CD300LF: variants seen among roughly 807,000 people sequenced by gnomAD.
The protein encoded by CD300LF is CD300 molecule like family member f, also known as CMRF35-like molecule 1.
A neutral mutation model predicts 32.2 loss-of-function variants in CD300LF; 27 were observed. The ratio of observed to expected loss-of-function variants is 0.84; its 90% confidence interval spans 0.62 to 1.15. CD300LF has a LOEUF of 1.15. Ranked by LOEUF, CD300LF falls within the 50% of genes most tolerant of loss-of-function variation. CD300LF has a pLI of 0.00. For missense variants in CD300LF, 348 were observed against 356.8 expected (o/e 0.98, Z 0.20); for synonymous variants, 139 against 143.2 (o/e 0.97, Z 0.21).
intron 1 of CD300LF, 54 bp downstream of exon 1, chr17:74,712,770 C>T: frequency 1.2e-6 from 2 of 1,602,648 alleles, no homozygotes; most frequent in South Asian, 2.2e-5. Flanking sequence ...CTCTCTCAGC[C>T]ACCTCCTCCT....
At chr17:74,711,741 C>CAGG (rs1191650119) in intron 1 of CD300LF, among the ~76,000 whole-genome samples, 3 of 152,124 alleles carry the variant, frequency 2.0e-5, no homozygotes, top group African/African-American at 7.2e-5. Context: ...GCATCTGGGA[C>CAGG]CCTCTTCAGG....
chr17:74,712,046 G>A (rs1052493818), intron 1 of CD300LF, among the ~76,000 whole-genome samples: 17 of 151,218 alleles, frequency 1.1e-4, no homozygotes, highest in Middle Eastern at 6.8e-3. Context: ...CAAGTAGCTG[G>A]GACCATAGGC....
At chr17:74,710,483 A>C (rs2033865667) in intron 1 of CD300LF, among the ~76,000 whole-genome samples, 1 of 152,240 alleles carries the variant, frequency 6.6e-6, no homozygotes, top group Non-Finnish European at 1.5e-5. Flanking sequence ...TAAAGTAGAA[A>C]AGTGCTCATT....
chr17:74,708,159 A>C (rs1419708397), intron 1 of CD300LF, among the ~76,000 whole-genome samples: 2 of 151,594 alleles, frequency 1.3e-5, no homozygotes, highest in Admixed American at 6.6e-5. Flanking sequence ...AAAAAAAAAA[A>C]AAGAAAAAAG....
rs773378400 is a variant in CD300LF at position 74,704,772 on chromosome 17, C to T, written c.88G>A (p.Gly30Ser). The T allele has an allele frequency of 6.2e-7, 1 of 1,614,110 alleles. No individual in the cohort carries two copies. The highest frequency in any genetic ancestry group is 2.2e-5 in the East Asian group (1 of 44,884). ...TQITGPTTVN[G>S]LERGSLTVQC... ...ACGGTCAAGGAGCCCCGCTCCAAGC[C>T]ATTCACTGTTGTTGGACCGGTGATT... Residue 30 changes from glycine (G) to serine (S), a missense_variant, in exon 2 of 7, where the codon GGC (glycine) becomes AGC (serine). Physicochemically the swap from Gly to Ser is moderately conservative, Grantham distance 56. Coordinates refer to ENST00000326165, the MANE Select transcript of CD300LF (RefSeq NM_139018.5).
Position 74,695,255 on chromosome 17 carries a change from C to A in CD300LF, c.718-4G>T. The A allele has an allele frequency of 1.2e-6, 2 of 1,613,744 alleles. No homozygotes were observed. The highest frequency in any genetic ancestry group is 2.2e-5 in the East Asian group (1 of 44,880). On this transcript the variant is annotated splice_region_variant and splice_polypyrimidine_tract_variant and intron_variant, in intron 6 of 6. Coordinates refer to ENST00000326165, the MANE Select transcript of CD300LF (RefSeq NM_139018.5). ...TGTCCTCCTTCGGCAAGGAAGCCTG[C>A]AGCAAAGGCGGGCTCCAGGTCAGAG...
intron 3 of CD300LF, among the ~76,000 whole-genome samples, chr17:74,699,340 C>T (rs565943438): frequency 6.6e-6 from 1 of 152,298 alleles, no homozygotes; most frequent in East Asian, 1.9e-4. Context: ...TACACCTGCC[C>T]TCTCTACTGG....
intron 2 of CD300LF, among the ~76,000 whole-genome samples, chr17:74,704,055 G>A (rs548144914): frequency 9.3e-4 from 141 of 152,290 alleles, no homozygotes; most frequent in Non-Finnish European, 4.4e-4. Context: ...TATGGAATGG[G>A]AGATGGGAAC....
intron 3 of CD300LF, among the ~76,000 whole-genome samples, chr17:74,702,657 A>G (rs2033159542): frequency 6.6e-6 from 1 of 151,950 alleles, no homozygotes; most frequent in African/African-American, 2.4e-5. Context: ...CCACGCCCAC[A>G]CTCACATGAG....
At chr17:74,704,876 C>G (rs1024246487) in intron 1 of CD300LF, 60 bp from the exon 2 acceptor site, 1 of 1,340,476 alleles carries the variant, frequency 7.5e-7, no homozygotes, top group African/African-American at 1.4e-5. Flanking sequence ...CCACAGCTTT[C>G]TGTTTAGGGA....
At chr17:74,704,308 A>G in intron 2 of CD300LF, 170 bp downstream of exon 2, 1 of 609,752 alleles carries the variant, frequency 1.6e-6, no homozygotes, top group Non-Finnish European at 2.9e-6. Flanking sequence ...CCATGGGGGC[A>G]TTGAAGAGAG....
At chr17:74,707,752 T>C (rs1218283130) in intron 1 of CD300LF, among the ~76,000 whole-genome samples, 1 of 151,874 alleles carries the variant, frequency 6.6e-6, no homozygotes, top group Non-Finnish European at 1.5e-5. Flanking sequence ...TATATGACTG[T>C]ATATCCTGCA....
intron 1 of CD300LF, among the ~76,000 whole-genome samples, chr17:74,712,180 G>A (rs1029579963): frequency 5.3e-5 from 8 of 151,908 alleles, no homozygotes; most frequent in Non-Finnish European, 1.0e-4. Flanking sequence ...GGGATTACAG[G>A]AATGAGCCTC....
At chr17:74,696,471 T>C (rs947016152) in intron 4 of CD300LF, among the ~76,000 whole-genome samples, 1 of 152,192 alleles carries the variant, frequency 6.6e-6, no homozygotes, top group Non-Finnish European at 1.5e-5. Context: ...CATAGAACTG[T>C]GCACTCAGCT....
In CD300LF at chr17:74,698,478, G is replaced by A. The variant is rs752567498; in HGVS notation, c.450C>T (p.His150=). The change falls in exon 4 of 7, where the codon CAC becomes CAT. Residue 150 remains histidine (H), a synonymous_variant. Transcript: ENST00000326165. ...GGAGGACACTGAGCTTCAGGAGCTT[G>A]TGCCTAGAAACAATGGCAAGCGTCC... ...TLTGHHLDNR[H]KLLKLSVLLP... 17 of 1,613,144 alleles carry A rather than the reference G, an allele frequency of 1.1e-5. No individual in the cohort carries two copies. The East Asian group carries it at 3.3e-4, about 32-fold the overall frequency.
At chr17:74,695,681 G>A (rs1204815110) in intron 6 of CD300LF, 44 bp downstream of exon 6, 1 of 1,612,938 alleles carries the variant, frequency 6.2e-7, no homozygotes, top group Non-Finnish European at 8.5e-7. Context: ...GCAGGCCTGT[G>A]TCCCCCTGCC....
At position 74,694,775 on chromosome 17, in the gene CD300LF, A is replaced by T. The variant is rs909675176; in HGVS notation, c.*321T>A. ...TAGGCAATAAATAAAGGTTCATTGT[A>T]TTACGATAATGGTACTTCATGATAA... On this transcript the variant is annotated 3_prime_UTR_variant, in exon 7 of 7. Transcript: ENST00000326165. 1.3e-5 allele frequency: 3 copies of T among 231,416 alleles called. No homozygotes were observed. Among genetic ancestry groups the T allele is most frequent in the Non-Finnish European group, 2.5e-5 (3 of 119,342 alleles). The allele number at this position is 231,416 out of a possible 1,614,324, so 14.3% of individuals were successfully genotyped here.
intron 1 of CD300LF, 42 bp from the exon 2 acceptor site, chr17:74,704,858 G>A (rs1436342939): frequency 6.7e-7 from 1 of 1,491,402 alleles, no homozygotes; most frequent in South Asian, 1.2e-5. Context: ...CCCACCCCAA[G>A]GGCAGGGCCA....
chr17:74,707,975 C>A (rs2033648589), intron 1 of CD300LF, among the ~76,000 whole-genome samples: 1 of 151,496 alleles, frequency 6.6e-6, no homozygotes, highest in African/African-American at 2.4e-5. Context: ...TGGTGAAACC[C>A]CATCTCTACT....
Sources: gnomAD v4.1 joint callset for allele counts (sites outside exome capture counted in the v4.1 genomes callset) on GRCh38, gnomAD v4.1.1 for gene constraint, MANE v1.5 for transcripts, NCBI Gene and HGNC (gene_info 2026-07-23, HGNC 2026-07-21) for gene names.